The following SORCS1 variants were observed in gnomAD, a reference collection of about 807,000 sequenced individuals.
SORCS1 encodes sortilin related VPS10 domain containing receptor 1, also known as VPS10 domain-containing receptor SorCS1.
SORCS1 carries 60 observed loss-of-function variants against 146.1 expected under a neutral mutation model. The observed-to-expected ratio is 0.41, with a 90% CI of 0.33 to 0.51. The LOEUF (loss-of-function observed/expected upper bound fraction) is 0.51. Ranked by LOEUF, SORCS1 falls within the 20% of genes least tolerant of loss-of-function variation. The pLI, the probability that SORCS1 is intolerant of heterozygous loss-of-function variation, is 0.21. For synonymous variants in SORCS1, 637 were observed against 584.0 expected, an observed-to-expected ratio of 1.09 and a Z score of -1.31; for missense variants, 1,352 against 1,487.6, an observed-to-expected ratio of 0.91 and a Z score of 1.50.
At chr10:107,136,671 C>T (rs185255142) in intron 1 of SORCS1, among the ~76,000 whole-genome samples, 3 of 152,184 alleles carry the variant, frequency 2.0e-5, no homozygotes, top group Non-Finnish European at 2.9e-5. Flanking sequence ...TTCATAACCA[C>T]ATTGATTATT....
chr10:106,648,030 G>T (rs1849580113), intron 18 of SORCS1, among the ~76,000 whole-genome samples: 1 of 139,652 alleles, frequency 7.2e-6, no homozygotes. Context: ...ACCACGCCTG[G>T]CTATTTTTTT....
intron 7 of SORCS1, among the ~76,000 whole-genome samples, chr10:106,708,536 T>G (rs553936505): frequency 6.6e-6 from 1 of 152,306 alleles, no homozygotes; most frequent in South Asian, 2.1e-4. Context: ...AAGCTTAAAT[T>G]TTTCCTTGAA....
At chr10:107,132,599 A>G (rs537482490) in intron 1 of SORCS1, among the ~76,000 whole-genome samples, 4 of 152,280 alleles carry the variant, frequency 2.6e-5, no homozygotes, top group Admixed American at 2.6e-4. Context: ...CGTACTGTCA[A>G]TGAAATAAAG....
chr10:106,615,227 C>CAAAGGA (rs1847277290), intron 21 of SORCS1, among the ~76,000 whole-genome samples: 1 of 152,156 alleles, frequency 6.6e-6, no homozygotes, highest in African/African-American at 2.4e-5. Context: ...TTCTCAAGGA[C>CAAAGGA]CTGGGAGCCA....
rs59467041 is a variant in SORCS1, at chr10:107,003,429, A to AGTGTGTGT, written c.559-46857_559-46850dup. Among the ~76,000 whole-genome samples the AGTGTGTGT allele has an allele frequency of 1.5e-3, 211 of 140,528 alleles. 1 individual carries two copies. The highest frequency in any genetic ancestry group is 1.7e-3 in the African/African-American group (67 of 38,680). 92.2% of individuals were successfully genotyped at this position (140,528 alleles called of 152,430 possible). A position where few individuals can be genotyped will look rare whatever the true frequency, so the allele number is the denominator to read the frequency against. ...ATAGAGAGAATAATAAATTCCCATA[A>AGTGTGTGT]GTGTGTGTGTGTGTGTGTGTGTGTG... is the stretch of plus-strand genomic sequence containing the variant. On this transcript the variant is annotated intron_variant, in intron 1 of 25. Coordinates refer to ENST00000263054, the MANE Select transcript of SORCS1 (RefSeq NM_052918.5).
chr10:106,720,481 A>G (rs1412897536), intron 6 of SORCS1, among the ~76,000 whole-genome samples: 1 of 151,442 alleles, frequency 6.6e-6, no homozygotes, highest in African/African-American at 2.4e-5. Flanking sequence ...ATAGGAATAT[A>G]ATGCATGATC....
intron 2 of SORCS1, among the ~76,000 whole-genome samples, chr10:106,843,309 T>C (rs1264197339): frequency 6.6e-6 from 1 of 152,224 alleles, no homozygotes; most frequent in Non-Finnish European, 1.5e-5. Flanking sequence ...TGAGTCTGGC[T>C]CTTTTATAGA....
intron 2 of SORCS1, among the ~76,000 whole-genome samples, chr10:106,908,001 C>T (rs896988831): frequency 5.9e-5 from 9 of 152,142 alleles, no homozygotes; most frequent in African/African-American, 1.9e-4. Flanking sequence ...CTTTCTCTGA[C>T]ATCTTAAAAG....
chr10:107,111,273 T>C (rs998518350), intron 1 of SORCS1, among the ~76,000 whole-genome samples: 7 of 152,094 alleles, frequency 4.6e-5, no homozygotes, highest in Non-Finnish European at 1.0e-4. Flanking sequence ...AAAATAATCA[T>C]CTTAAGAAGC....
chr10:107,025,663 A>T (rs897026438), intron 1 of SORCS1, among the ~76,000 whole-genome samples: 16 of 152,252 alleles, frequency 1.1e-4, no homozygotes, highest in Non-Finnish European at 1.8e-4. Context: ...AAGAGAATTT[A>T]AAAACTTTGA....
intron 3 of SORCS1, among the ~76,000 whole-genome samples, chr10:106,811,123 A>G (rs1377977499): frequency 6.6e-6 from 1 of 151,966 alleles, no homozygotes; most frequent in Non-Finnish European, 1.5e-5. Context: ...TATTTTTAGT[A>G]GAGACGGGGT....
chr10:107,100,296 G>A (rs1041204311), intron 1 of SORCS1, among the ~76,000 whole-genome samples: 4 of 152,036 alleles, frequency 2.6e-5, no homozygotes, highest in South Asian at 4.1e-4. Context: ...GGTGGATCAC[G>A]AGGTCAGGAG....
chr10:106,883,815 A>G (rs1442159538), intron 2 of SORCS1, among the ~76,000 whole-genome samples: 1 of 152,160 alleles, frequency 6.6e-6, no homozygotes, highest in African/African-American at 2.4e-5. Context: ...GAAAACGATG[A>G]TGTTTCTGAT....
chr10:107,167,090 A>C (rs1970066664), upstream of SORCS1, among the ~76,000 whole-genome samples: 1 of 152,238 alleles, frequency 6.6e-6, no homozygotes, highest in African/African-American at 2.4e-5. Context: ...TTAATGCCTG[A>C]TTTTAATTAT....
intron 2 of SORCS1, among the ~76,000 whole-genome samples, chr10:106,863,049 TTTC>T (rs924509291): frequency 3.2e-4 from 48 of 152,090 alleles, no homozygotes; most frequent in African/African-American, 1.0e-3. Flanking sequence ...TCTGATAATA[TTTC>T]TTTAGAAGTT....
intron 6 of SORCS1, among the ~76,000 whole-genome samples, chr10:106,714,998 G>A (rs1855262947): frequency 6.6e-6 from 1 of 152,204 alleles, no homozygotes; most frequent in Non-Finnish European, 1.5e-5. Context: ...TTTGCAAGCT[G>A]AAGGGGAAAT....
intron 1 of SORCS1, among the ~76,000 whole-genome samples, chr10:107,066,286 T>G (rs1004475909): frequency 1.3e-5 from 2 of 152,102 alleles, no homozygotes; most frequent in African/African-American, 2.4e-5. Flanking sequence ...AACCCTGGAG[T>G]TGTCACTGTA....
At chr10:106,803,337 C>A (rs1052444193) in intron 3 of SORCS1, among the ~76,000 whole-genome samples, 1 of 152,164 alleles carries the variant, frequency 6.6e-6, no homozygotes, top group Non-Finnish European at 1.5e-5. Context: ...ACAAAAGGGA[C>A]ACACACTTAT....
intron 24 of SORCS1, among the ~76,000 whole-genome samples, chr10:106,582,112 T>C (rs962552662): frequency 2.0e-5 from 3 of 150,684 alleles, no homozygotes; most frequent in Middle Eastern, 3.2e-3. Flanking sequence ...AACTCGCATA[T>C]GCATGCATGC....
Sources: allele counts gnomAD v4.1 joint callset (sites outside exome capture counted in the v4.1 genomes callset), GRCh38; gene constraint gnomAD v4.1.1; transcripts MANE v1.5; gene names NCBI Gene and HGNC (gene_info 2026-07-23, HGNC 2026-07-21).